Variants in B3GALT1 observed in about 807,000 individuals in gnomAD.
The protein encoded by B3GALT1 is beta-1,3-galactosyltransferase 1.
In B3GALT1, 10 loss-of-function variants were observed where a neutral mutation model predicts 23.2. That is an observed-to-expected ratio of 0.43 (90% confidence interval 0.27 to 0.73). The LOEUF is 0.73. Ranked by LOEUF, B3GALT1 falls within the 30% of genes least tolerant of loss-of-function variation. The pLI is 0.21. For missense variants in B3GALT1, 299 were observed against 405.4 expected, an observed-to-expected ratio of 0.74 and a Z score of 2.25; for synonymous variants, 156 against 141.5, an observed-to-expected ratio of 1.10 and a Z score of -0.73.
intron 4 of B3GALT1, among the ~76,000 whole-genome samples, chr2:167,862,092 C>T (rs932370880): frequency 2.0e-5 from 3 of 152,098 alleles, no homozygotes; most frequent in African/African-American, 7.2e-5. Flanking sequence ...TCAGTGTTGA[C>T]TTGTATTTGC....
At chr2:167,464,323 A>G (rs188489602) in intron 1 of B3GALT1, among the ~76,000 whole-genome samples, 46 of 152,348 alleles carry the variant, frequency 3.0e-4, no homozygotes, top group Non-Finnish European at 2.9e-5. Context: ...TGTATGAAAT[A>G]TAATCATTCT....
intron 2 of B3GALT1, among the ~76,000 whole-genome samples, chr2:167,616,719 A>G (rs1184534668): frequency 6.6e-6 from 1 of 152,024 alleles, no homozygotes; most frequent in Non-Finnish European, 1.5e-5. Context: ...TAAATAAATA[A>G]CAAGAATATA....
At chr2:167,781,140 C>T (rs1310273751) in intron 3 of B3GALT1, among the ~76,000 whole-genome samples, 1 of 152,098 alleles carries the variant, frequency 6.6e-6, no homozygotes, top group Non-Finnish European at 1.5e-5. Flanking sequence ...GGTACATAAG[C>T]ATAAGAAAGT....
intron 3 of B3GALT1, among the ~76,000 whole-genome samples, chr2:167,743,242 G>C (rs1338524502): frequency 6.6e-6 from 1 of 151,982 alleles, no homozygotes; most frequent in East Asian, 1.9e-4. Context: ...AGTTTCTCGA[G>C]TATGTACCTA....
chr2:167,679,723 T>C (rs1401249589), intron 3 of B3GALT1, among the ~76,000 whole-genome samples: 1 of 152,218 alleles, frequency 6.6e-6, no homozygotes, highest in Non-Finnish European at 1.5e-5. Context: ...CATCTCTGAG[T>C]ATTCATTTTC....
intron 3 of B3GALT1, among the ~76,000 whole-genome samples, chr2:167,703,877 TCTC>T (rs1349938868): frequency 3.3e-5 from 5 of 152,072 alleles, no homozygotes; most frequent in South Asian, 2.1e-4. Context: ...GTCTTTCTCT[TCTC>T]CTCTGAAAAG....
chr2:167,663,765 A>G (rs2105475284), intron 3 of B3GALT1, among the ~76,000 whole-genome samples: 1 of 152,180 alleles, frequency 6.6e-6, no homozygotes, highest in South Asian at 2.1e-4. Flanking sequence ...TCTTCTTTTG[A>G]GAAGTCTCTG....
rs746412603 is a variant in B3GALT1 at position 167,874,025 on chromosome 2, A to C, written c.*4005A>C. 3.9e-5 allele frequency: 6 copies of C among 152,224 alleles called. No individual in the cohort carries two copies. The highest frequency in any genetic ancestry group is 7.3e-5 in the Non-Finnish European group (5 of 68,032). The allele number at this position is 152,224 out of a possible 1,614,324, so 9.4% of individuals were successfully genotyped here. A position where few individuals can be genotyped will look rare whatever the true frequency, so the allele number is the denominator to read the frequency against. On this transcript the variant is annotated 3_prime_UTR_variant, in exon 5 of 5. Transcript: ENST00000392690. ...CTGATTTTTTTAAACCATTGGGACAAATAAACAGAAGGAGAACAAATGTGT... is the reference window on the plus strand; with the variant it reads ...CTGATTTTTTTAAACCATTGGGACACATAAACAGAAGGAGAACAAATGTGT...
chr2:167,806,566 TTGAGA>T (rs1472223498), intron 3 of B3GALT1, among the ~76,000 whole-genome samples: 1 of 152,230 alleles, frequency 6.6e-6, no homozygotes, highest in Admixed American at 6.5e-5. Context: ...TCTGCATCTA[TTGAGA>T]TAATTGTAGT....
chr2:167,776,948 T>C (rs2105315428), intron 3 of B3GALT1, among the ~76,000 whole-genome samples: 1 of 152,316 alleles, frequency 6.6e-6, no homozygotes, highest in Admixed American at 6.5e-5. Context: ...TCTCTGTGTG[T>C]ACACAGGCTA....
intron 3 of B3GALT1, among the ~76,000 whole-genome samples, chr2:167,774,497 GTTTTT>G (rs397986581): frequency 0.014 from 1,151 of 83,102 alleles, 31 homozygotes; most frequent in African/African-American, 0.05. Context: ...TTTTTTTTTT[GTTTTT>G]TTTTTTTTTT....
chr2:167,487,244 G>C (rs1003769769), intron 1 of B3GALT1, among the ~76,000 whole-genome samples: 2 of 152,166 alleles, frequency 1.3e-5, no homozygotes, highest in Admixed American at 6.5e-5. Context: ...CCAGTAGACT[G>C]TAGCCCAAAC....
chr2:167,405,047 C>T (rs751484415), intron 1 of B3GALT1, among the ~76,000 whole-genome samples: 265 of 152,226 alleles, frequency 1.7e-3, no homozygotes, highest in Non-Finnish European at 2.3e-3. Context: ...CATTTGTTTT[C>T]GCTTCTCAGA....
intron 2 of B3GALT1, among the ~76,000 whole-genome samples, chr2:167,583,024 C>T (rs1684515585): frequency 6.6e-6 from 1 of 152,150 alleles, no homozygotes; most frequent in Non-Finnish European, 1.5e-5. Context: ...TGAACAGCTC[C>T]CTGTTAGTAA....
At chr2:167,319,615 AAAAC>A (rs1696776849) in intron 1 of B3GALT1, among the ~76,000 whole-genome samples, 1 of 152,116 alleles carries the variant, frequency 6.6e-6, no homozygotes, top group South Asian at 2.1e-4. Context: ...TTTGACATGA[AAAAC>A]AAGCAAAAAA....
At position 167,810,112 on chromosome 2, in the gene B3GALT1, G is replaced by A. The variant is rs115945589; in HGVS notation, c.-351-8560G>A. On this transcript the variant is annotated intron_variant, in intron 3 of 4. Transcript: ENST00000392690. The stretch of plus-strand genomic sequence containing the variant: ...CGTGGGATATAATCTCCTGGTGTGC[G>A]GCTTGCTAAGACCATTGGAAAAGGA... Among the ~76,000 whole-genome samples the A allele has an allele frequency of 5.3e-3, 784 of 148,464 alleles. 61 individuals carry two copies. The highest frequency in any genetic ancestry group is 0.019 in the African/African-American group (737 of 38,026).
At chr2:167,523,310 C>T (rs977600307) in intron 2 of B3GALT1, among the ~76,000 whole-genome samples, 6 of 152,154 alleles carry the variant, frequency 3.9e-5, no homozygotes, top group East Asian at 1.9e-4. Context: ...GTTACAAAAT[C>T]GCAAATTACT....
At chr2:167,634,399 A>G (rs6723147) in intron 2 of B3GALT1, among the ~76,000 whole-genome samples, 99,992 of 151,814 alleles carry the variant, frequency 0.66, 34,071 homozygotes, top group Admixed American at 0.74. Context: ...CAAAAAATCA[A>G]TGAATCCAGG....
At chr2:167,631,960 A>G (rs940166727) in intron 2 of B3GALT1, among the ~76,000 whole-genome samples, 1 of 151,110 alleles carries the variant, frequency 6.6e-6, no homozygotes, top group South Asian at 2.1e-4. Flanking sequence ...CCACCCACTG[A>G]CAGGCCCCGG....
Sources: allele counts gnomAD v4.1 joint callset (sites outside exome capture counted in the v4.1 genomes callset), GRCh38; gene constraint gnomAD v4.1.1; transcripts MANE v1.5; gene names NCBI Gene and HGNC (gene_info 2026-07-23, HGNC 2026-07-21).